Variants in SMS observed in about 807,000 individuals in gnomAD.
SMS encodes the protein spermine synthase, also known as spermidine aminopropyltransferase.
A neutral mutation model predicts 33.0 loss-of-function variants in SMS; 3 were observed. That is an observed-to-expected ratio of 0.09 (90% CI 0.04 to 0.23). The LOEUF (loss-of-function observed/expected upper bound fraction) is 0.23, where lower values mean the gene tolerates loss of function less well. Ranked by LOEUF, SMS falls within the 10% of genes least tolerant of loss-of-function variation. SMS has a pLI of 1.00. For missense variants in SMS, 117 were observed against 288.6 expected, an observed-to-expected ratio of 0.41 and a Z score of 4.31; for synonymous variants, 103 against 112.2, an observed-to-expected ratio of 0.92 and a Z score of 0.52.
chrX:21,951,195 G>A (rs1045196799), intron 1 of SMS, among the ~76,000 whole-genome samples: 18 of 112,639 alleles, frequency 1.6e-4, no homozygotes, highest in Non-Finnish European at 1.7e-4. Context: ...CTAATGACCA[G>A]TGATGATGAG....
chrX:21,985,562 C>T (rs1452956447), intron 9 of SMS, among the ~76,000 whole-genome samples: 1 of 111,860 alleles, frequency 8.9e-6, no homozygotes, highest in Non-Finnish European at 1.9e-5. Context: ...GTGTTTTTCT[C>T]ATTCTCTAGG....
intron 7 of SMS, among the ~76,000 whole-genome samples, chrX:21,982,193 C>G (rs1924999777): frequency 9.2e-6 from 1 of 108,616 alleles, no homozygotes; most frequent in African/African-American, 3.4e-5. Context: ...AAAAAATTAG[C>G]TGGGCGTGGT....
chrX:21,951,869 T>C (rs1922627946), intron 1 of SMS, among the ~76,000 whole-genome samples: 1 of 111,743 alleles, frequency 8.9e-6, no homozygotes, highest in Admixed American at 9.6e-5. Context: ...TGTGCATTTG[T>C]CTTTTTACTA....
chrX:21,958,491 A>G (rs1390314648), intron 1 of SMS, among the ~76,000 whole-genome samples: 1 of 112,106 alleles, frequency 8.9e-6, no homozygotes, highest in African/African-American at 3.3e-5. Flanking sequence ...CCTTTATCGA[A>G]CATGTACAAT....
At position 21,977,163 on chromosome X, in the gene SMS, T is replaced by A; in HGVS notation, c.432T>A (p.Asp144Glu). The part of the protein sequence containing the change: ...YDIDEVVYDE[D>E]SPYQNIKILH... ...TAGATGAAGTGGTATATGACGAAGA[T>A]TCACCTTATCAAAATATAAAAATTC... The change falls in exon 5 of 11, where the codon GAT becomes GAA. Residue 144 changes from aspartate (D) to glutamate (E), a missense_variant. Asp to Glu is a conservative substitution (Grantham distance 45). Transcript: ENST00000404933. 1 of 1,207,183 alleles carries A rather than the reference T, an allele frequency of 8.3e-7. No individual in the cohort carries two copies. The highest frequency in any genetic ancestry group is 1.1e-6 in the Non-Finnish European group (1 of 891,134).
At chrX:21,992,462 C>T in intron 9 of SMS, 135 bp from the exon 10 acceptor site, 3 of 496,274 alleles carry the variant, frequency 6.0e-6, no homozygotes, top group Non-Finnish European at 1.1e-5. Flanking sequence ...TGTGAAAATA[C>T]AGAAGCCTTA....
chrX:21,991,496 G>GA (rs1289218285), intron 9 of SMS, among the ~76,000 whole-genome samples: 1 of 112,102 alleles, frequency 8.9e-6, no homozygotes. Flanking sequence ...ATTTTCTTAA[G>GA]AAACGGAATC....
chrX:21,952,413 G>GTTT (rs1569342226), intron 1 of SMS, among the ~76,000 whole-genome samples: 5 of 77,375 alleles, frequency 6.5e-5, no homozygotes, highest in Non-Finnish European at 9.7e-5. Context: ...CACGTTGTTT[G>GTTT]TTTGTTTGTT....
intron 1 of SMS, among the ~76,000 whole-genome samples, chrX:21,963,003 A>G (rs915404284): frequency 1.8e-5 from 2 of 111,688 alleles, no homozygotes; most frequent in South Asian, 3.8e-4. Flanking sequence ...CCACTGGTCT[A>G]GATGTTTTTG....
At chrX:21,956,362 C>T (rs774790961) in intron 1 of SMS, among the ~76,000 whole-genome samples, 3 of 112,951 alleles carry the variant, frequency 2.7e-5, no homozygotes, top group African/African-American at 9.6e-5. Context: ...CAGCTCACTG[C>T]AGCCTCTGCC....
intron 1 of SMS, among the ~76,000 whole-genome samples, chrX:21,942,868 C>G (rs1273027054): frequency 1.1e-5 from 1 of 94,773 alleles, no homozygotes; most frequent in Non-Finnish European, 2.0e-5. Context: ...GAGATGGAGT[C>G]TCACTCTGTC....
At chrX:21,976,266 TCAGAGCACCACCCCA>T (rs1276373172) in intron 4 of SMS, among the ~76,000 whole-genome samples, 4 of 111,231 alleles carry the variant, frequency 3.6e-5, no homozygotes, top group African/African-American at 1.3e-4. Flanking sequence ...CTACCTAGTT[TCAGAGCACCACCCCA>T]CAGCCTGCTT....
At chrX:21,964,719 A>G (rs750179111) in intron 1 of SMS, among the ~76,000 whole-genome samples, 8 of 111,836 alleles carry the variant, frequency 7.2e-5, no homozygotes, top group African/African-American at 2.6e-4. Context: ...TGGGCTATCA[A>G]CTGCTCTGCT....
intron 2 of SMS, among the ~76,000 whole-genome samples, chrX:21,968,489 C>T (rs904768326): frequency 9.0e-6 from 1 of 111,579 alleles, no homozygotes; most frequent in Non-Finnish European, 1.9e-5. Context: ...GGGCCCCTAC[C>T]GTAAGAGTTC....
intron 1 of SMS, among the ~76,000 whole-genome samples, chrX:21,966,508 G>T (rs1328501626): frequency 9.0e-6 from 1 of 111,481 alleles, no homozygotes; most frequent in Non-Finnish European, 1.9e-5. Flanking sequence ...ACTTTTGGGA[G>T]TAGGACACTG....
intron 1 of SMS, 34 bp downstream of exon 1, chrX:21,940,907 C>T: frequency 1.0e-6 from 1 of 965,901 alleles, no homozygotes; most frequent in Non-Finnish European, 1.4e-6. Flanking sequence ...CGTGGCCATC[C>T]CCGCCGCTCC....
chrX:21,986,551 G>A (rs1026878486), intron 9 of SMS, among the ~76,000 whole-genome samples: 7 of 111,269 alleles, frequency 6.3e-5, no homozygotes, highest in South Asian at 3.7e-4. Context: ...TTCCCTCTGC[G>A]TGCAAGACCT....
intron 1 of SMS, among the ~76,000 whole-genome samples, chrX:21,954,776 T>C (rs1922861629): frequency 8.9e-6 from 1 of 112,169 alleles, no homozygotes; most frequent in Non-Finnish European, 1.9e-5. Flanking sequence ...GACTGTTTTA[T>C]CTTTGGAAAT....
chrX:21,985,959 TG>T (rs371588162), intron 9 of SMS, among the ~76,000 whole-genome samples: 102 of 111,084 alleles, frequency 9.2e-4, no homozygotes, highest in Middle Eastern at 4.7e-3. Flanking sequence ...AGGTTGAAGC[TG>T]TAGTGAGCTG....
Sources: allele counts gnomAD v4.1 joint callset (sites outside exome capture counted in the v4.1 genomes callset), GRCh38; gene constraint gnomAD v4.1.1; transcripts MANE v1.5; gene names NCBI Gene and HGNC (gene_info 2026-07-23, HGNC 2026-07-21).